ARHGAP15: variants seen among roughly 807,000 people sequenced by gnomAD.
ARHGAP15 encodes the protein rho GTPase-activating protein 15.
Under a neutral mutation model 63.7 loss-of-function variants are expected in ARHGAP15, and 51 were observed. The observed-to-expected ratio is 0.80, with a 90% confidence interval of 0.64 to 1.01. ARHGAP15 has a LOEUF of 1.01. Ranked by LOEUF, ARHGAP15 falls within the 50% of genes least tolerant of loss-of-function variation. ARHGAP15 has a pLI of 0.00. For missense variants in ARHGAP15, 560 were observed against 564.6 expected, an observed-to-expected ratio of 0.99 and a Z score of 0.08; for synonymous variants, 191 against 193.8, an observed-to-expected ratio of 0.99 and a Z score of 0.12.
chr2:143,471,140 CAT>C lies in ARHGAP15; in HGVS notation c.704-16232_704-16231del, dbSNP rs201076966. ...ACATATACACATACATGTATACACA[CAT>C]GTGTGTGTATAGATACAGAAAGAGG... On this transcript the variant is annotated intron_variant, in intron 8 of 13. Transcript: ENST00000295095. Among the ~76,000 whole-genome samples the C allele has an allele frequency of 7.6e-4, 111 of 145,752 alleles. 1 individual carries two copies. The highest frequency in any genetic ancestry group is 2.2e-3 in the East Asian group (11 of 4,966).
intron 3 of ARHGAP15, among the ~76,000 whole-genome samples, chr2:143,212,994 G>C (rs964505936): frequency 6.6e-6 from 1 of 152,178 alleles, no homozygotes; most frequent in Non-Finnish European, 1.5e-5. Context: ...GATGGCCTGA[G>C]TCTGTGAGAT....
intron 6 of ARHGAP15, among the ~76,000 whole-genome samples, chr2:143,402,776 T>C (rs1019335319): frequency 1.3e-5 from 2 of 151,846 alleles, no homozygotes; most frequent in African/African-American, 2.4e-5. Context: ...CCAGAAACAC[T>C]GCACAGAGAT....
chr2:143,188,099 A>G (rs941625478), intron 2 of ARHGAP15, among the ~76,000 whole-genome samples: 1 of 151,916 alleles, frequency 6.6e-6, no homozygotes, highest in African/African-American at 2.4e-5. Context: ...AATATTACGC[A>G]TATACTGTTT....
chr2:143,690,697 T>G (rs1414001508), intron 12 of ARHGAP15, among the ~76,000 whole-genome samples: 1 of 152,186 alleles, frequency 6.6e-6, no homozygotes, highest in Admixed American at 6.5e-5. Flanking sequence ...AATTTTGGAT[T>G]TTACATCATA....
At position 143,330,104 on chromosome 2, in the gene ARHGAP15, A is replaced by T. The variant is rs1275989518; in HGVS notation, c.474+79504A>T. Among the ~76,000 whole-genome samples the T allele has an allele frequency of 6.6e-4, 52 of 78,542 alleles. 9 individuals carry two copies. The highest frequency in any genetic ancestry group is 2.4e-3 in the African/African-American group (48 of 20,050). 51.5% of individuals were successfully genotyped at this position (78,542 alleles called of 152,430 possible). On this transcript the variant is annotated intron_variant, in intron 6 of 13. Coordinates refer to ENST00000295095, the MANE Select transcript of ARHGAP15 (RefSeq NM_018460.4). ...AGCAAGGCTCTGTCTCAAAAAAAAA[A>T]AAAAAAAAAAAAAAAAAAAAAAAAA...
intron 8 of ARHGAP15, among the ~76,000 whole-genome samples, chr2:143,463,848 C>T (rs188141217): frequency 6.5e-4 from 99 of 152,264 alleles, no homozygotes; most frequent in Admixed American, 1.4e-3. Flanking sequence ...ATATAGTTCA[C>T]CCTAGCTAGG....
chr2:143,618,651 G>A (rs1053891579), intron 11 of ARHGAP15, among the ~76,000 whole-genome samples: 2 of 152,162 alleles, frequency 1.3e-5, no homozygotes, highest in Non-Finnish European at 2.9e-5. Flanking sequence ...ACATGAAGAA[G>A]ATTTTCTTTC....
chr2:143,665,132 C>T (rs1682086672), intron 12 of ARHGAP15, among the ~76,000 whole-genome samples: 1 of 150,916 alleles, frequency 6.6e-6, no homozygotes, highest in South Asian at 2.1e-4. Context: ...AATTTTAGAC[C>T]AATATCCTTG....
chr2:143,421,955 G>A (rs867799772), intron 6 of ARHGAP15, among the ~76,000 whole-genome samples: 3 of 151,996 alleles, frequency 2.0e-5, no homozygotes, highest in Admixed American at 6.6e-5. Context: ...TTCTTAACAT[G>A]TTTCATGAAC....
chr2:143,311,864 C>G (rs1333179800), intron 6 of ARHGAP15, among the ~76,000 whole-genome samples: 1 of 152,076 alleles, frequency 6.6e-6, no homozygotes, highest in Admixed American at 6.6e-5. Context: ...TTAGGGTTTT[C>G]AGAATAAAAA....
chr2:143,398,970 C>T (rs1050517933), intron 6 of ARHGAP15, among the ~76,000 whole-genome samples: 1 of 152,004 alleles, frequency 6.6e-6, no homozygotes, highest in African/African-American at 2.4e-5. Flanking sequence ...GACAGAAGGA[C>T]CTTCTCACAT....
In ARHGAP15 at chr2:143,556,897, G is replaced by GA. The variant is rs1209474803; in HGVS notation, c.1003+419dup. ...TAATAGAAAAATATATAGTAGGTAA[G>GA]AAAAAAATTAGGAAACGCATATGCC... is the stretch of plus-strand genomic sequence containing the variant. On this transcript the variant is annotated intron_variant, in intron 11 of 13. Transcript: ENST00000295095. Among the ~76,000 whole-genome samples the GA allele has an allele frequency of 1.3e-5, 2 of 151,874 alleles. 1 individual carries two copies. The highest frequency in any genetic ancestry group is 1.3e-4 in the Admixed American group (2 of 15,232).
At chr2:143,225,981 A>G (rs185947171) in intron 4 of ARHGAP15, among the ~76,000 whole-genome samples, 26 of 152,340 alleles carry the variant, frequency 1.7e-4, no homozygotes, top group East Asian at 9.6e-4. Flanking sequence ...CACTGAGCCC[A>G]TGGAAAAGCT....
chr2:143,142,005 G>A (rs139169962), intron 1 of ARHGAP15, among the ~76,000 whole-genome samples: 1 of 152,178 alleles, frequency 6.6e-6, no homozygotes, highest in African/African-American at 2.4e-5. Context: ...TCCACCCGCA[G>A]CTGTCTCTTA....
intron 11 of ARHGAP15, among the ~76,000 whole-genome samples, chr2:143,596,495 G>A (rs1697523291): frequency 6.6e-6 from 1 of 152,088 alleles, no homozygotes; most frequent in Non-Finnish European, 1.5e-5. Context: ...AGCTGGGCAA[G>A]GAGGTCTTGT....
chr2:143,718,973 C>T (rs1684928803), intron 13 of ARHGAP15, among the ~76,000 whole-genome samples: 1 of 152,202 alleles, frequency 6.6e-6, no homozygotes, highest in Non-Finnish European at 1.5e-5. Context: ...CCACTTCTAA[C>T]AGGAATTTGT....
chr2:143,174,720 G>T (rs1231057517), intron 2 of ARHGAP15, among the ~76,000 whole-genome samples: 1 of 152,130 alleles, frequency 6.6e-6, no homozygotes, highest in Non-Finnish European at 1.5e-5. Flanking sequence ...CTTGTTAAAA[G>T]AATTGGTACA....
At chr2:143,417,995 T>C (rs1688758822) in intron 6 of ARHGAP15, among the ~76,000 whole-genome samples, 1 of 152,222 alleles carries the variant, frequency 6.6e-6, no homozygotes, top group East Asian at 1.9e-4. Context: ...TCACCTGCCA[T>C]CATCTGTAGA....
At chr2:143,477,557 T>G (rs1691881336) in intron 8 of ARHGAP15, among the ~76,000 whole-genome samples, 2 of 152,134 alleles carry the variant, frequency 1.3e-5, no homozygotes, top group South Asian at 4.1e-4. Context: ...GCATGGATAT[T>G]ATTATCCCCA....
Sources: gnomAD v4.1 joint callset for allele counts (sites outside exome capture counted in the v4.1 genomes callset) on GRCh38, gnomAD v4.1.1 for gene constraint, MANE v1.5 for transcripts, NCBI Gene and HGNC (gene_info 2026-07-23, HGNC 2026-07-21) for gene names.